SLC9A8: variants seen among roughly 807,000 people sequenced by gnomAD.
SLC9A8 encodes the protein sodium/hydrogen exchanger 8.
A neutral mutation model predicts 66.6 loss-of-function variants in SLC9A8; 48 were observed. The observed-to-expected ratio is 0.72, with a 90% CI of 0.57 to 0.92. The LOEUF is 0.92. SLC9A8 is among the 40% of genes least tolerant of loss of function. SLC9A8 has a pLI of 0.00. For synonymous variants in SLC9A8, 274 were observed against 282.6 expected (o/e 0.97, Z 0.31); for missense variants, 599 against 747.3 (o/e 0.80, Z 2.31).
Position 49,888,545 on chromosome 20 carries a change from G to A in SLC9A8, c.*609G>A, listed in dbSNP as rs1011911046. On this transcript the variant is annotated 3_prime_UTR_variant, in exon 16 of 16. Transcript: ENST00000361573. ...TGGCACTTCGCAGTCTATCTCCCTG[G>A]GTAGCAGACGGCTGCTGCCCTTCTC... is the stretch of plus-strand genomic sequence containing the variant. 6.5e-6 allele frequency: 1 copy of A among 154,244 alleles called. No individual in the cohort carries two copies. The highest frequency in any genetic ancestry group is 6.4e-5 in the Admixed American group (1 of 15,656). 9.6% of individuals were successfully genotyped at this position (154,244 alleles called of 1,614,324 possible).
chr20:49,887,469 G>A (rs772109759), intron 15 of SLC9A8, among the ~76,000 whole-genome samples: 8 of 152,312 alleles, frequency 5.3e-5, no homozygotes, highest in Non-Finnish European at 7.4e-5. Flanking sequence ...TGCAGTGGAT[G>A]CAGCTGTGTC....
Position 49,890,405 on chromosome 20 carries a change from G to C in SLC9A8, c.*2469G>C, listed in dbSNP as rs574285362. The C allele has an allele frequency of 3.0e-4, 46 of 152,318 alleles. No individual in the cohort carries two copies. The highest frequency in any genetic ancestry group is 1.1e-3 in the African/African-American group (46 of 41,552). 9.4% of individuals were successfully genotyped at this position (152,318 alleles called of 1,614,324 possible). On this transcript the variant is annotated 3_prime_UTR_variant, in exon 16 of 16. Transcript: ENST00000361573. ...ACGCAGCTTAACTATATCTTCCTGC[G>C]TGTGTATTTATTTTCTTCTGGGTCT... is the stretch of plus-strand genomic sequence containing the variant.
Position 49,890,817 on chromosome 20 carries a change from CA to C in SLC9A8, c.*2882del, listed in dbSNP as rs1373410815. ...CTACCCTAAGCCAGCCACCCCTCTT[CA>C]CAGTGGGTGAGCTGGGCTGGGCTGG... On this transcript the variant is annotated 3_prime_UTR_variant, in exon 16 of 16. Transcript: ENST00000361573. 7.2e-5 allele frequency: 11 copies of C among 152,294 alleles called. 1 individual carries two copies. The highest frequency in any genetic ancestry group is 7.2e-4 in the Admixed American group (11 of 15,276). The allele number at this position is 152,294 out of a possible 1,614,324, so 9.4% of individuals were successfully genotyped here. A position where few individuals can be genotyped will look rare whatever the true frequency, so the allele number is the denominator to read the frequency against.
chr20:49,864,945 T>C, intron 10 of SLC9A8, 101 bp downstream of exon 10: 1 of 774,746 alleles, frequency 1.3e-6, no homozygotes, highest in South Asian at 1.4e-5. Flanking sequence ...CAAGAGACAG[T>C]CACAACTCAG....
chr20:49,856,561 C>T (rs1373052323), intron 8 of SLC9A8, among the ~76,000 whole-genome samples: 1 of 152,188 alleles, frequency 6.6e-6, no homozygotes, highest in Admixed American at 6.5e-5. Context: ...GTGGCTCAGT[C>T]CTGTAATCCC....
At chr20:49,850,076 A>T (rs2088182447) in intron 6 of SLC9A8, among the ~76,000 whole-genome samples, 1 of 152,240 alleles carries the variant, frequency 6.6e-6, no homozygotes, top group Non-Finnish European at 1.5e-5. Context: ...TATTTAAAAA[A>T]TCAAAGATGT....
chr20:49,819,591 C>T lies in SLC9A8; in HGVS notation c.209-3470C>T, dbSNP rs1306839735. Reference sequence around the variant, plus strand: ...ACAATTTTAACCACTTTAAAATGTACAGTTCAGCAGCATCTAGTACATTCA... The same window carrying T: ...ACAATTTTAACCACTTTAAAATGTATAGTTCAGCAGCATCTAGTACATTCA... On this transcript the variant is annotated intron_variant, in intron 2 of 15. Transcript: ENST00000361573. 2.0e-5 allele frequency among the ~76,000 whole-genome samples: 3 copies of T among 152,112 alleles called. No homozygotes were observed. In the East Asian group the frequency reaches 5.8e-4, roughly 29 times the overall value.
intron 5 of SLC9A8, among the ~76,000 whole-genome samples, chr20:49,845,379 G>T (rs2087940436): frequency 6.6e-6 from 1 of 152,256 alleles, no homozygotes; most frequent in Non-Finnish European, 1.5e-5. Flanking sequence ...TGCCCAGGAA[G>T]ATGGCTGAAG....
At chr20:49,823,856 T>C (rs2086827970) in intron 3 of SLC9A8, among the ~76,000 whole-genome samples, 2 of 152,232 alleles carry the variant, frequency 1.3e-5, no homozygotes, top group Admixed American at 1.3e-4. Flanking sequence ...GTTTATTATA[T>C]TGCAGTCACT....
At position 49,814,996 on chromosome 20, in the gene SLC9A8, T is replaced by C. The variant is rs370561159; in HGVS notation, c.27-12T>C. ...TTTTCCATTATCTAATTATGCTTTC[T>C]ATGTCCTCCAGGAGGTTCCCCAATA... On this transcript the variant is annotated splice_polypyrimidine_tract_variant and intron_variant, in intron 1 of 15. Transcript: ENST00000361573. 53 of 1,508,072 alleles carry C rather than the reference T, an allele frequency of 3.5e-5. 1 individual carries two copies. The South Asian group carries it at 5.7e-4, about 16-fold the overall frequency. 93.4% of individuals were successfully genotyped at this position (1,508,072 alleles called of 1,614,324 possible). A position where few individuals can be genotyped will look rare whatever the true frequency, so the allele number is the denominator to read the frequency against.
intron 3 of SLC9A8, chr20:49,830,107 A>G: frequency 1.3e-6 from 1 of 745,218 alleles, no homozygotes; most frequent in African/African-American, 1.7e-5. Context: ...TAAGCCAAAC[A>G]AGCCATCTCT....
At chr20:49,845,152 T>C (rs766816706) in intron 5 of SLC9A8, 33 bp downstream of exon 5, 5 of 1,494,618 alleles carry the variant, frequency 3.3e-6, no homozygotes, top group Non-Finnish European at 4.7e-6. Context: ...TGCTTTGGTC[T>C]GGACAGTTTC....
chr20:49,874,609 C>G lies in SLC9A8; in HGVS notation c.959-96C>G, dbSNP rs2089349745. On this transcript the variant is annotated intron_variant, in intron 10 of 15. Coordinates refer to ENST00000361573, the MANE Select transcript of SLC9A8 (RefSeq NM_015266.3). ...CATTTATTTTCCTTTTTCTTAAACC[C>G]TCTAATGCTCTAGGCCCCAGGGCCT... 8.6e-6 allele frequency: 7 copies of G among 811,610 alleles called. No individual in the cohort carries two copies. The Admixed American group carries it at 1.3e-4, about 15-fold the overall frequency. 50.3% of individuals were successfully genotyped at this position (811,610 alleles called of 1,614,324 possible).
chr20:49,835,990 A>G (rs576112463), intron 3 of SLC9A8, among the ~76,000 whole-genome samples: 3 of 152,182 alleles, frequency 2.0e-5, no homozygotes, highest in Admixed American at 2.0e-4. Flanking sequence ...TTTTAAATGT[A>G]CAACAATTTT....
At chr20:49,884,284 C>CG (rs1600822409) in intron 14 of SLC9A8, 8 of 295,020 alleles carry the variant, frequency 2.7e-5, no homozygotes, top group Admixed American at 1.0e-4. Flanking sequence ...GACACACACA[C>CG]ACACGACACA....
chr20:49,819,414 A>G (rs1052566906), intron 2 of SLC9A8, among the ~76,000 whole-genome samples: 2 of 152,170 alleles, frequency 1.3e-5, no homozygotes, highest in African/African-American at 4.8e-5. Context: ...AACACAAATA[A>G]TACATGTTTG....
chr20:49,876,305 G>A (rs945170537), intron 11 of SLC9A8, among the ~76,000 whole-genome samples: 6 of 152,236 alleles, frequency 3.9e-5, no homozygotes, highest in African/African-American at 9.6e-5. Context: ...AAAGCAAATC[G>A]TCCATCCAAA....
In SLC9A8 at chr20:49,852,586, A is replaced by G. The variant is rs147825258; in HGVS notation, c.569+1742A>G. ...TCTTTTTCATTTTGTTAATGTTGCT[A>G]TCTTTTGGGGCTATGGGATAAAGAA... On this transcript the variant is annotated intron_variant, in intron 7 of 15. Transcript: ENST00000361573. 7.9e-5 allele frequency among the ~76,000 whole-genome samples: 12 copies of G among 152,202 alleles called. No homozygotes were observed. In the East Asian group the frequency reaches 2.1e-3, roughly 27 times the overall value.
Position 49,888,702 on chromosome 20 carries a change from T to G in SLC9A8, c.*766T>G, listed in dbSNP as rs983731517. On this transcript the variant is annotated 3_prime_UTR_variant, in exon 16 of 16. Transcript: ENST00000361573. ...GAGGGAAAAGCTAGAGGCACAGGGT[T>G]TCTGCCGGCCCACAACTGCTGTCTT... The G allele has an allele frequency of 6.6e-6, 1 of 152,626 alleles. No individual in the cohort carries two copies. The highest frequency in any genetic ancestry group is 1.5e-5 in the Non-Finnish European group (1 of 68,064). 9.5% of individuals were successfully genotyped at this position (152,626 alleles called of 1,614,324 possible).
Sources: gnomAD v4.1 joint callset for allele counts (sites outside exome capture counted in the v4.1 genomes callset) on GRCh38, gnomAD v4.1.1 for gene constraint, MANE v1.5 for transcripts, NCBI Gene and HGNC (gene_info 2026-07-23, HGNC 2026-07-21) for gene names.